The following MCC variants were observed in gnomAD, a reference collection of about 807,000 sequenced individuals.
MCC encodes MCC regulator of Wnt signaling pathway, also known as colorectal mutant cancer protein.
Under a neutral mutation model 116.2 loss-of-function variants are expected in MCC, and 90 were observed. That is an observed-to-expected ratio of 0.77 (90% CI 0.65 to 0.92). The LOEUF (loss-of-function observed/expected upper bound fraction) is 0.92. Among genes scored for constraint, MCC ranks in the 40% least tolerant of loss-of-function variants. MCC has a pLI of 0.00. For missense variants in MCC, 1,516 were observed against 1,312.2 expected, an observed-to-expected ratio of 1.16 and a Z score of -2.40; for synonymous variants, 578 against 510.5, an observed-to-expected ratio of 1.13 and a Z score of -1.78.
intron 1 of MCC, among the ~76,000 whole-genome samples, chr5:113,407,059 A>G (rs1385518849): frequency 2.0e-5 from 3 of 152,180 alleles, no homozygotes; most frequent in African/African-American, 7.2e-5. Flanking sequence ...CTTATAATAA[A>G]CTGCTTAAGA....
intron 3 of MCC, among the ~76,000 whole-genome samples, chr5:113,305,792 C>A (rs1006821668): frequency 3.9e-5 from 6 of 152,108 alleles, no homozygotes; most frequent in African/African-American, 1.4e-4. Flanking sequence ...ATAAAATTTA[C>A]CTTTTAACAT....
intron 11 of MCC, among the ~76,000 whole-genome samples, chr5:113,078,382 T>G (rs1300413646): frequency 2.0e-5 from 3 of 152,208 alleles, no homozygotes; most frequent in Non-Finnish European, 2.9e-5. Flanking sequence ...CCAATATCCC[T>G]GATGAACATT....
chr5:113,284,216 G>C (rs1305136658), intron 3 of MCC, among the ~76,000 whole-genome samples: 1 of 152,172 alleles, frequency 6.6e-6, no homozygotes, highest in Non-Finnish European at 1.5e-5. Flanking sequence ...CGGATGTCTT[G>C]GCATGTGCCT....
At chr5:113,093,090 C>T (rs9326876) in intron 8 of MCC, among the ~76,000 whole-genome samples, 16,789 of 151,942 alleles carry the variant, frequency 0.11, 2,236 homozygotes, top group African/African-American at 0.32. Context: ...TAAGAGAAGG[C>T]GACAGCAGAG....
intron 3 of MCC, among the ~76,000 whole-genome samples, chr5:113,191,820 AC>A (rs2150314126): frequency 6.6e-6 from 1 of 152,264 alleles, no homozygotes; most frequent in East Asian, 1.9e-4. Context: ...AGGCTTTAAC[AC>A]CTTGATTTAG....
chr5:113,223,634 G>C (rs940366089), intron 3 of MCC, among the ~76,000 whole-genome samples: 35 of 152,008 alleles, frequency 2.3e-4, no homozygotes, highest in African/African-American at 7.5e-4. Context: ...GGGATTAAAT[G>C]GTAATTCGAT....
intron 3 of MCC, among the ~76,000 whole-genome samples, chr5:113,220,860 T>C (rs1763526735): frequency 6.6e-6 from 1 of 152,224 alleles, no homozygotes. Flanking sequence ...TAGTGCAATG[T>C]TGAACAGACG....
intron 7 of MCC, among the ~76,000 whole-genome samples, chr5:113,102,186 C>T (rs1158439200): frequency 1.3e-5 from 2 of 152,184 alleles, no homozygotes; most frequent in Non-Finnish European, 2.9e-5. Context: ...GTAAGAAAAA[C>T]AGTGAGTCCT....
intron 1 of MCC, among the ~76,000 whole-genome samples, chr5:113,466,522 T>G (rs1771913704): frequency 6.6e-6 from 1 of 152,118 alleles, no homozygotes; most frequent in Non-Finnish European, 1.5e-5. Flanking sequence ...CTCATCATTT[T>G]TTATGGCTGC....
intron 15 of MCC, among the ~76,000 whole-genome samples, chr5:113,050,172 G>C (rs1255030451): frequency 1.3e-5 from 2 of 152,204 alleles, no homozygotes; most frequent in Non-Finnish European, 1.5e-5. Flanking sequence ...AAATCCCCCT[G>C]CTTATGGCTA....
intron 2 of MCC, among the ~76,000 whole-genome samples, chr5:113,380,456 A>C (rs1368918903): frequency 1.3e-5 from 2 of 152,192 alleles, no homozygotes; most frequent in Non-Finnish European, 2.9e-5. Context: ...GGAACTGTGC[A>C]CTGCACTTCC....
At chr5:113,282,831 CAG>C (rs1239940409) in intron 3 of MCC, among the ~76,000 whole-genome samples, 1 of 152,200 alleles carries the variant, frequency 6.6e-6, no homozygotes, top group Non-Finnish European at 1.5e-5. Context: ...AATAAAGTAA[CAG>C]AGTTACCTAA....
chr5:113,139,618 G>C (rs1224841083), intron 5 of MCC, among the ~76,000 whole-genome samples: 1 of 152,196 alleles, frequency 6.6e-6, no homozygotes, highest in Non-Finnish European at 1.5e-5. Flanking sequence ...ATGCTGGAGA[G>C]GATGTGGAGA....
chr5:113,177,119 G>A (rs936295781), intron 3 of MCC, among the ~76,000 whole-genome samples: 2 of 152,090 alleles, frequency 1.3e-5, no homozygotes, highest in African/African-American at 4.8e-5. Context: ...ATCTTCAGGT[G>A]GCCTCTGGAA....
intron 6 of MCC, among the ~76,000 whole-genome samples, chr5:113,118,249 C>T (rs1196285146): frequency 1.3e-5 from 2 of 152,142 alleles, no homozygotes; most frequent in Non-Finnish European, 1.5e-5. Context: ...CGAGCCTTTG[C>T]CAGATGGAGG....
intron 8 of MCC, among the ~76,000 whole-genome samples, chr5:113,091,010 G>A (rs1755588836): frequency 6.6e-6 from 1 of 152,196 alleles, no homozygotes; most frequent in South Asian, 2.1e-4. Flanking sequence ...GGGAGGAGAT[G>A]GAGGGCGCCT....
intron 1 of MCC, among the ~76,000 whole-genome samples, chr5:113,486,736 G>C (rs191394544): frequency 6.6e-6 from 1 of 151,846 alleles, no homozygotes; most frequent in Admixed American, 6.6e-5. Context: ...CCAGCTACTC[G>C]GGAAGCTGAG....
chr5:113,431,428 A>G (rs1770640850), intron 1 of MCC, among the ~76,000 whole-genome samples: 1 of 152,150 alleles, frequency 6.6e-6, no homozygotes, highest in African/African-American at 2.4e-5. Flanking sequence ...GGCACCAGTC[A>G]TATTTGATTA....
intron 8 of MCC, among the ~76,000 whole-genome samples, chr5:113,093,063 T>C (rs960721646): frequency 1.3e-5 from 2 of 151,780 alleles, no homozygotes; most frequent in African/African-American, 4.8e-5. Flanking sequence ...AAAATCAGAG[T>C]GCTGAGGAGA....
Sources: allele counts gnomAD v4.1 joint callset (sites outside exome capture counted in the v4.1 genomes callset), GRCh38; gene constraint gnomAD v4.1.1; transcripts MANE v1.5; gene names NCBI Gene and HGNC (gene_info 2026-07-23, HGNC 2026-07-21).